ATP8A2: variants seen among roughly 807,000 people sequenced by gnomAD.
ATP8A2 encodes the protein phospholipid-transporting ATPase IB.
ATP8A2 carries 100 observed loss-of-function variants against 165.6 expected under a neutral mutation model. That is an observed-to-expected ratio of 0.60 (90% CI 0.51 to 0.71). The LOEUF (loss-of-function observed/expected upper bound fraction) is 0.71, where lower values mean the gene tolerates loss of function less well. Ranked by LOEUF, ATP8A2 falls within the 30% of genes least tolerant of loss-of-function variation. The pLI is 0.00. For synonymous variants in ATP8A2, 543 were observed against 548.8 expected (o/e 0.99, Z 0.15); for missense variants, 1,227 against 1,479.5 (o/e 0.83, Z 2.80).
intron 25 of ATP8A2, among the ~76,000 whole-genome samples, chr13:25,728,954 C>T (rs17082711): frequency 0.074 from 11,299 of 152,180 alleles, 458 homozygotes; most frequent in East Asian, 0.12. Flanking sequence ...AGATTGCAAA[C>T]GTAACTTCTT....
intron 27 of ATP8A2, among the ~76,000 whole-genome samples, chr13:25,792,135 T>A (rs1411434798): frequency 6.6e-6 from 1 of 152,202 alleles, no homozygotes; most frequent in Non-Finnish European, 1.5e-5. Context: ...GTTAACCATC[T>A]CCCTTGAGCT....
intron 1 of ATP8A2, among the ~76,000 whole-genome samples, chr13:25,390,596 A>G (rs932334254): frequency 3.3e-5 from 5 of 152,098 alleles, no homozygotes; most frequent in Non-Finnish European, 5.9e-5. Flanking sequence ...AACAGTGTGC[A>G]GTCTTCTTTG....
intron 33 of ATP8A2, among the ~76,000 whole-genome samples, chr13:25,911,315 G>A (rs745943783): frequency 1.3e-5 from 2 of 152,128 alleles, no homozygotes; most frequent in Non-Finnish European, 2.9e-5. Flanking sequence ...CTGGTCAATG[G>A]GATAATTGAC....
At position 25,372,184 on chromosome 13, in the gene ATP8A2, G is replaced by A; in HGVS notation, c.-29G>A. ...TGCGCGTAGCCTCCGTCTCTCGCCC[G>A]GGGCCGCCGAGCCCCCGACACGGGC... On this transcript the variant is annotated 5_prime_UTR_variant, in exon 1 of 37. Coordinates refer to ENST00000381655, the MANE Select transcript of ATP8A2 (RefSeq NM_016529.6). The surrounding 1 kb of genome is among the most constrained non-coding windows in gnomAD (Gnocchi z 4.8). 1.4e-6 allele frequency: 2 copies of A among 1,409,136 alleles called. No homozygotes were observed. Among genetic ancestry groups the A allele is most frequent in the South Asian group, 1.5e-5 (1 of 68,358 alleles). 87.3% of individuals were successfully genotyped at this position (1,409,136 alleles called of 1,614,324 possible).
chr13:25,467,093 T>A (rs1456313324), intron 1 of ATP8A2, among the ~76,000 whole-genome samples: 3 of 152,202 alleles, frequency 2.0e-5, no homozygotes, highest in African/African-American at 4.8e-5. Flanking sequence ...TGCCGCTTGT[T>A]GATGAGTAGA....
chr13:25,908,131 C>T (rs952243547), intron 33 of ATP8A2, among the ~76,000 whole-genome samples: 1 of 152,138 alleles, frequency 6.6e-6, no homozygotes, highest in Admixed American at 6.5e-5. Flanking sequence ...AGATAAATAC[C>T]TTAGAAATCT....
chr13:25,940,623 C>A (rs899070549), intron 33 of ATP8A2, among the ~76,000 whole-genome samples: 5 of 152,210 alleles, frequency 3.3e-5, no homozygotes, highest in Non-Finnish European at 7.3e-5. Context: ...GGCTGTTCTT[C>A]TTCCTCCACC....
At chr13:25,633,129 C>T (rs1192417664) in intron 24 of ATP8A2, among the ~76,000 whole-genome samples, 1 of 152,164 alleles carries the variant, frequency 6.6e-6, no homozygotes, top group Non-Finnish European at 1.5e-5. Flanking sequence ...AAGATGCAGT[C>T]AGATTTCTCT....
intron 33 of ATP8A2, among the ~76,000 whole-genome samples, chr13:25,875,613 G>A (rs895953570): frequency 6.6e-6 from 1 of 151,880 alleles, no homozygotes; most frequent in African/African-American, 2.4e-5. Flanking sequence ...TTTTTCTTAA[G>A]AGAAGTGTGT....
intron 24 of ATP8A2, among the ~76,000 whole-genome samples, chr13:25,617,694 A>T (rs972148016): frequency 2.0e-5 from 3 of 152,180 alleles, no homozygotes; most frequent in African/African-American, 7.2e-5. Context: ...TTACAGTTCC[A>T]TCATGAAACT....
intron 2 of ATP8A2, among the ~76,000 whole-genome samples, chr13:25,522,975 G>A (rs2037717662): frequency 6.6e-6 from 1 of 152,086 alleles, no homozygotes; most frequent in Middle Eastern, 3.4e-3. Flanking sequence ...AATACAAAGA[G>A]ATAGCCAGGG....
chr13:25,563,920 T>C, intron 15 of ATP8A2, 36 bp from the exon 16 acceptor site: 2 of 1,525,732 alleles, frequency 1.3e-6, no homozygotes, highest in African/African-American at 1.4e-5. Flanking sequence ...ACAGAAACTT[T>C]TAAATTGAAT....
At chr13:25,382,695 C>A (rs963832341) in intron 1 of ATP8A2, among the ~76,000 whole-genome samples, 1 of 150,844 alleles carries the variant, frequency 6.6e-6, no homozygotes, top group African/African-American at 2.4e-5. Flanking sequence ...CGTTGAGAAT[C>A]TTTCCATATG....
chr13:25,937,609 G>A (rs773371449), intron 33 of ATP8A2, among the ~76,000 whole-genome samples: 9 of 150,814 alleles, frequency 6.0e-5, no homozygotes, highest in Non-Finnish European at 8.9e-5. Context: ...CAGCACTTTG[G>A]GAGGCTGAGG....
At chr13:25,871,110 G>A (rs567676617) in intron 33 of ATP8A2, 2 of 199,742 alleles carry the variant, frequency 1.0e-5, no homozygotes, top group East Asian at 2.5e-4. Context: ...TGATTGAGTG[G>A]TTTTTTTTTT....
intron 2 of ATP8A2, among the ~76,000 whole-genome samples, chr13:25,478,716 A>G (rs969095030): frequency 6.6e-6 from 1 of 152,220 alleles, no homozygotes; most frequent in African/African-American, 2.4e-5. Context: ...CATATACCAT[A>G]CGAAAGGCTT....
chr13:25,895,273 C>G (rs962498409), intron 33 of ATP8A2, among the ~76,000 whole-genome samples: 1 of 152,142 alleles, frequency 6.6e-6, no homozygotes, highest in Non-Finnish European at 1.5e-5. Flanking sequence ...AAGGCCTTTT[C>G]TGCATCTATT....
intron 2 of ATP8A2, among the ~76,000 whole-genome samples, chr13:25,524,683 T>C (rs2037778171): frequency 6.6e-6 from 1 of 152,120 alleles, no homozygotes; most frequent in Non-Finnish European, 1.5e-5. Flanking sequence ...GGAATATCTT[T>C]TTCCATCTCT....
chr13:25,869,318 G>A (rs777721794), intron 33 of ATP8A2, among the ~76,000 whole-genome samples: 21 of 151,792 alleles, frequency 1.4e-4, no homozygotes, highest in African/African-American at 4.9e-4. Context: ...TTTTTAAGTT[G>A]GAAGCTCCTT....
Sources: allele counts gnomAD v4.1 joint callset (sites outside exome capture counted in the v4.1 genomes callset), GRCh38; gene constraint gnomAD v4.1.1; non-coding constraint Gnocchi (gnomAD v3.1); transcripts MANE v1.5; gene names NCBI Gene and HGNC (gene_info 2026-07-23, HGNC 2026-07-21).